The following OSBPL6 variants were observed in gnomAD, a reference collection of about 807,000 sequenced individuals.
The protein encoded by OSBPL6 is oxysterol-binding protein-related protein 6.
In OSBPL6, 49 loss-of-function variants were observed where a neutral mutation model predicts 125.8. That is an observed-to-expected ratio of 0.39 (90% CI 0.31 to 0.49). The LOEUF (loss-of-function observed/expected upper bound fraction) is 0.49, where lower values mean the gene tolerates loss of function less well. Ranked by LOEUF, OSBPL6 falls within the 20% of genes least tolerant of loss-of-function variation. The pLI is 0.88. For missense variants in OSBPL6, 986 were observed against 1,135.4 expected (o/e 0.87, Z 1.89); for synonymous variants, 394 against 391.8 (o/e 1.01, Z -0.07).
intron 1 of OSBPL6, among the ~76,000 whole-genome samples, chr2:178,240,931 A>G (rs1333783856): frequency 1.3e-5 from 2 of 152,170 alleles, no homozygotes; most frequent in African/African-American, 4.8e-5. Flanking sequence ...CATCTTATCC[A>G]TTATGTGGCA....
intron 1 of OSBPL6, among the ~76,000 whole-genome samples, chr2:178,284,439 G>A (rs1200661464): frequency 6.6e-6 from 1 of 152,148 alleles, no homozygotes; most frequent in Non-Finnish European, 1.5e-5. Flanking sequence ...TGTAATCCCA[G>A]CTACTCAGGA....
chr2:178,224,509 C>G (rs1559133929), intron 1 of OSBPL6, among the ~76,000 whole-genome samples: 1 of 152,210 alleles, frequency 6.6e-6, no homozygotes, highest in South Asian at 2.1e-4. Context: ...TGTCTTCTTC[C>G]TATACTCTCC....
Position 178,384,077 on chromosome 2 carries a change from C to T in OSBPL6, c.1914C>T (p.Ser638=). 1 of 1,614,038 alleles carries T rather than the reference C, an allele frequency of 6.2e-7. No individual in the cohort carries two copies. Among genetic ancestry groups the T allele is most frequent in the Admixed American group, 1.7e-5 (1 of 60,026 alleles). ...VAAFAVSGYC[S]TYFRAGSKPF... Reference sequence around the variant, plus strand: ...CATTTGCAGTTTCAGGATACTGCTCCACCTATTTCAGAGCAGGAAGTAAGC... The same window carrying T: ...CATTTGCAGTTTCAGGATACTGCTCTACCTATTTCAGAGCAGGAAGTAAGC... Residue 638 remains serine, a synonymous_variant, in exon 18 of 25, where the codon TCC becomes TCT. Coordinates refer to ENST00000190611, the MANE Select transcript of OSBPL6 (RefSeq NM_032523.4).
intron 1 of OSBPL6, among the ~76,000 whole-genome samples, chr2:178,281,491 TAGC>T (rs1416536482): frequency 6.6e-6 from 1 of 152,198 alleles, no homozygotes; most frequent in Non-Finnish European, 1.5e-5. Context: ...TGCATATGGC[TAGC>T]CAGTTCTCCC....
At chr2:178,311,466 G>A (rs898461905) in intron 3 of OSBPL6, among the ~76,000 whole-genome samples, 1 of 152,160 alleles carries the variant, frequency 6.6e-6, no homozygotes, top group African/African-American at 2.4e-5. Context: ...GTTTATGTCT[G>A]TATCCCCTTC....
intron 11 of OSBPL6, among the ~76,000 whole-genome samples, chr2:178,347,310 A>G (rs989250853): frequency 8.5e-5 from 13 of 152,056 alleles, no homozygotes; most frequent in East Asian, 1.9e-4. Context: ...ATCCTTTTCC[A>G]TGATCCTCAA....
chr2:178,282,407 A>G (rs1684287799), intron 1 of OSBPL6, among the ~76,000 whole-genome samples: 1 of 152,054 alleles, frequency 6.6e-6, no homozygotes. Flanking sequence ...CCTTAATCTT[A>G]CCCCCTTGGT....
chr2:178,248,344 T>G (rs560225047), intron 1 of OSBPL6, among the ~76,000 whole-genome samples: 1 of 152,326 alleles, frequency 6.6e-6, no homozygotes, highest in Non-Finnish European at 1.5e-5. Flanking sequence ...CAATTTCAGA[T>G]TTGGTTGTGG....
At chr2:178,327,107 A>G (rs953057344) in intron 4 of OSBPL6, among the ~76,000 whole-genome samples, 2 of 151,770 alleles carry the variant, frequency 1.3e-5, no homozygotes, top group African/African-American at 4.9e-5. Flanking sequence ...AATCACCACT[A>G]AAGAACTTAT....
Position 178,395,545 on chromosome 2 carries a change from C to T in OSBPL6, c.2791C>T (p.Pro931Ser), listed in dbSNP as rs775141517. ...CCCTGGGTTTAGCAAAGTAGACAGC[C>T]CTGTTCTTTGGTAGACTGGGAATGT... ...KDPGFSKVDS[P>S]VLW The change falls in exon 25 of 25, where the codon CCT (proline) becomes TCT (serine). Residue 931 changes from proline to serine, a missense_variant. Pro to Ser is a moderately conservative substitution (Grantham distance 74). Coordinates refer to ENST00000190611, the MANE Select transcript of OSBPL6 (RefSeq NM_032523.4). The T allele has an allele frequency of 1.9e-6, 3 of 1,611,302 alleles. No homozygotes were observed. The highest frequency in any genetic ancestry group is 1.1e-5 in the South Asian group (1 of 90,954).
intron 15 of OSBPL6, among the ~76,000 whole-genome samples, chr2:178,375,578 A>G (rs528163364): frequency 6.6e-6 from 1 of 151,860 alleles, no homozygotes; most frequent in South Asian, 2.1e-4. Context: ...ATGCACCTCC[A>G]CGCCCTGCTA....
chr2:178,336,136 C>T (rs545827087), intron 8 of OSBPL6, among the ~76,000 whole-genome samples, 165 bp from the exon 9 acceptor site: 1 of 152,326 alleles, frequency 6.6e-6, no homozygotes, highest in South Asian at 2.1e-4. Context: ...TTAGGAATGT[C>T]GCCCTCACTG....
intron 2 of OSBPL6, among the ~76,000 whole-genome samples, chr2:178,295,145 A>G (rs1308118859): frequency 5.9e-5 from 9 of 152,140 alleles, no homozygotes; most frequent in Non-Finnish European, 7.4e-5. Context: ...TTCACGTGTT[A>G]GGGGAGATAG....
intron 1 of OSBPL6, among the ~76,000 whole-genome samples, chr2:178,204,997 C>T (rs917654135): frequency 2.0e-5 from 3 of 152,176 alleles, no homozygotes; most frequent in Admixed American, 1.3e-4. Context: ...TACCCCCACA[C>T]TGTACCCCAC....
intron 1 of OSBPL6, among the ~76,000 whole-genome samples, chr2:178,267,748 C>A (rs892983837): frequency 1.3e-5 from 2 of 150,668 alleles, no homozygotes; most frequent in African/African-American, 4.9e-5. Flanking sequence ...TTTGGAACAA[C>A]CAAGGAATTT....
rs1368576143 is a variant in OSBPL6, at chr2:178,399,792, A to G, written c.*4233A>G. ...ATTGTTTGTAAAATATACAGTATTT[A>G]TGTACAGTTTCAGAGACATTCAATA... On this transcript the variant is annotated 3_prime_UTR_variant, in exon 25 of 25. Transcript: ENST00000190611. 1 of 152,218 alleles carries G rather than the reference A, an allele frequency of 6.6e-6. No individual in the cohort carries two copies. The highest frequency in any genetic ancestry group is 2.4e-5 in the African/African-American group (1 of 41,464). The allele number at this position is 152,218 out of a possible 1,614,324, so 9.4% of individuals were successfully genotyped here.
intron 1 of OSBPL6, among the ~76,000 whole-genome samples, chr2:178,208,348 T>A (rs1574484612): frequency 6.6e-6 from 1 of 151,708 alleles, no homozygotes; most frequent in Non-Finnish European, 1.5e-5. Flanking sequence ...TATTAATTAA[T>A]ACTTGCTTAT....
At position 178,392,553 on chromosome 2, in the gene OSBPL6, G is replaced by A. The variant is rs1002393413; in HGVS notation, c.2573+15G>A. 4.3e-6 allele frequency: 7 copies of A among 1,613,042 alleles called. No homozygotes were observed. Among genetic ancestry groups the A allele is most frequent in the African/African-American group, 1.3e-5 (1 of 74,860 alleles). On this transcript the variant is annotated intron_variant, in intron 23 of 24. Coordinates refer to ENST00000190611, the MANE Select transcript of OSBPL6 (RefSeq NM_032523.4). ...CCAGATCAAAGGTGAGGATGGCAGT[G>A]GTATTTAATATGCAGACTATGGCTG...
chr2:178,310,379 G>A (rs1358249622), intron 3 of OSBPL6, among the ~76,000 whole-genome samples: 1 of 148,490 alleles, frequency 6.7e-6, no homozygotes, highest in East Asian at 2.0e-4. Context: ...TTTTAAGAAA[G>A]CACCTTAAGT....
Sources: allele counts gnomAD v4.1 joint callset (sites outside exome capture counted in the v4.1 genomes callset), GRCh38; gene constraint gnomAD v4.1.1; transcripts MANE v1.5; gene names NCBI Gene and HGNC (gene_info 2026-07-23, HGNC 2026-07-21).